CPEB3: variants seen among roughly 807,000 people sequenced by gnomAD.
CPEB3 encodes the protein cytoplasmic polyadenylation element-binding protein 3.
A neutral mutation model predicts 67.2 loss-of-function variants in CPEB3; 20 were observed. The observed-to-expected ratio is 0.30, with a 90% confidence interval of 0.21 to 0.43. The LOEUF (loss-of-function observed/expected upper bound fraction) is 0.43, where lower values mean the gene tolerates loss of function less well. CPEB3 is among the 20% of genes least tolerant of loss of function. The pLI is 1.00. For synonymous variants in CPEB3, 376 were observed against 393.1 expected (o/e 0.96, Z 0.51); for missense variants, 746 against 968.6 (o/e 0.77, Z 3.05).
chr10:92,201,514 C>T (rs1429714430), intron 2 of CPEB3, among the ~76,000 whole-genome samples: 1 of 151,672 alleles, frequency 6.6e-6, no homozygotes, highest in African/African-American at 2.4e-5. Context: ...GGCAACAGAA[C>T]AAGACACTGT....
chr10:92,116,734 A>G (rs1473669357), intron 6 of CPEB3, among the ~76,000 whole-genome samples: 1 of 152,210 alleles, frequency 6.6e-6, no homozygotes, highest in Non-Finnish European at 1.5e-5. Context: ...AAGCCAGTCT[A>G]TGAAAGCAGA....
At chr10:92,192,659 G>A in intron 2 of CPEB3, 23 bp from the exon 3 acceptor site, 4 of 1,540,958 alleles carry the variant, frequency 2.6e-6, no homozygotes, top group Non-Finnish European at 3.5e-6. Context: ...ACAAAAACAA[G>A]ACAATACATA....
At chr10:92,121,517 G>A (rs985192798) in intron 6 of CPEB3, among the ~76,000 whole-genome samples, 1 of 150,840 alleles carries the variant, frequency 6.6e-6, no homozygotes, top group African/African-American at 2.4e-5. Context: ...CTTTTTTGTA[G>A]GTTTGACTTT....
chr10:92,141,884 G>A (rs1590228090), intron 6 of CPEB3, among the ~76,000 whole-genome samples: 1 of 151,176 alleles, frequency 6.6e-6, no homozygotes, highest in Non-Finnish European at 1.5e-5. Flanking sequence ...CGGGCGTGGC[G>A]GCAGGAGCCT....
intron 1 of CPEB3, among the ~76,000 whole-genome samples, chr10:92,283,712 C>G: frequency 7.2e-6 from 1 of 138,736 alleles, no homozygotes; most frequent in East Asian, 2.2e-4. Flanking sequence ...TTTCTTTTTT[C>G]TTTTTCTTTC....
In CPEB3 at chr10:92,230,584, T is replaced by C. The variant is rs923278997; in HGVS notation, c.1005+8762A>G. ...ACTTTAATTCACTAGTACTTTCCTA[T>C]TTCAAGTTCACAAAATGCAAATATT... is the stretch of plus-strand genomic sequence containing the variant. On this transcript the variant is annotated intron_variant, in intron 2 of 9. Coordinates refer to ENST00000265997, the MANE Select transcript of CPEB3 (RefSeq NM_014912.5). Among the ~76,000 whole-genome samples the C allele has an allele frequency of 2.6e-5, 4 of 152,320 alleles. No individual in the cohort carries two copies. The East Asian group carries it at 7.7e-4, about 29-fold the overall frequency.
intron 2 of CPEB3, among the ~76,000 whole-genome samples, chr10:92,231,913 T>A (rs1484635098): frequency 6.6e-6 from 1 of 151,726 alleles, no homozygotes; most frequent in East Asian, 1.9e-4. Flanking sequence ...AGAGACAGGG[T>A]TTCACCAGGT....
intron 6 of CPEB3, among the ~76,000 whole-genome samples, chr10:92,141,780 A>G (rs2133820922): frequency 6.6e-6 from 1 of 151,154 alleles, no homozygotes; most frequent in East Asian, 1.9e-4. Flanking sequence ...GCACTTTGGG[A>G]GGCCAAGGCA....
At chr10:92,055,832 G>A (rs1842088672) in intron 9 of CPEB3, among the ~76,000 whole-genome samples, 1 of 152,088 alleles carries the variant, frequency 6.6e-6, no homozygotes, top group Non-Finnish European at 1.5e-5. Context: ...TTGAGCCCAG[G>A]AGTTCGAGAC....
intron 9 of CPEB3, among the ~76,000 whole-genome samples, chr10:92,075,827 A>G (rs540659420): frequency 2.2e-4 from 33 of 152,346 alleles, no homozygotes; most frequent in African/African-American, 7.9e-4. Context: ...AAGATCAACA[A>G]CAACAATAAT....
At chr10:92,148,172 A>T (rs770637730) in intron 4 of CPEB3, among the ~76,000 whole-genome samples, 3 of 152,164 alleles carry the variant, frequency 2.0e-5, no homozygotes, top group Non-Finnish European at 4.4e-5. Flanking sequence ...TACTTTTTGG[A>T]TAAAGTACAA....
intron 6 of CPEB3, among the ~76,000 whole-genome samples, chr10:92,118,476 C>G (rs994485904): frequency 6.6e-6 from 1 of 152,076 alleles, no homozygotes; most frequent in Non-Finnish European, 1.5e-5. Flanking sequence ...GTGCTTTAGT[C>G]CTATAATTTA....
chr10:92,099,312 C>T (rs977708632), intron 7 of CPEB3, among the ~76,000 whole-genome samples: 2 of 150,520 alleles, frequency 1.3e-5, no homozygotes, highest in Non-Finnish European at 3.0e-5. Flanking sequence ...CCACCATGCC[C>T]AGTTAATTTT....
chr10:92,156,020 T>C (rs1375218603), intron 4 of CPEB3, among the ~76,000 whole-genome samples: 1 of 152,152 alleles, frequency 6.6e-6, no homozygotes, highest in Non-Finnish European at 1.5e-5. Flanking sequence ...ATAATCCTTA[T>C]CAATAAGCAC....
chr10:92,118,795 T>C (rs1845173091), intron 6 of CPEB3: 1 of 760,390 alleles, frequency 1.3e-6, no homozygotes, highest in Non-Finnish European at 2.4e-6. Flanking sequence ...AGAACACAGG[T>C]TTAAACCGTC....
At chr10:92,095,600 A>ATATATT (rs377039483) in intron 7 of CPEB3, among the ~76,000 whole-genome samples, 3 of 123,122 alleles carry the variant, frequency 2.4e-5, no homozygotes, top group East Asian at 2.3e-4. Context: ...ATATATATAT[A>ATATATT]TTTTTTTTTT....
chr10:92,253,324 G>A lies in CPEB3; in HGVS notation c.-11-12963C>T, dbSNP rs186433235. Among the ~76,000 whole-genome samples, 50 of 151,994 alleles carry A rather than the reference G, an allele frequency of 3.3e-4. 1 individual carries two copies. The East Asian group carries it at 9.3e-3, about 28-fold the overall frequency. On this transcript the variant is annotated intron_variant, in intron 1 of 9. Transcript: ENST00000265997. The stretch of plus-strand genomic sequence containing the variant: ...AATATACAAAAATTAGCCAGGTGTG[G>A]TGGCACACGCCTGTTGTCCCAGCTA...
At chr10:92,064,525 G>T (rs1029067559) in intron 9 of CPEB3, among the ~76,000 whole-genome samples, 1 of 152,240 alleles carries the variant, frequency 6.6e-6, no homozygotes. Flanking sequence ...ATGCTACAAG[G>T]GGCCATTGCA....
intron 6 of CPEB3, among the ~76,000 whole-genome samples, chr10:92,126,165 C>T (rs1410039690): frequency 1.3e-5 from 2 of 152,140 alleles, no homozygotes; most frequent in Non-Finnish European, 2.9e-5. Flanking sequence ...GAAAACTATA[C>T]AAACTGAGTC....
Sources: gnomAD v4.1 joint callset for allele counts (sites outside exome capture counted in the v4.1 genomes callset) on GRCh38, gnomAD v4.1.1 for gene constraint, MANE v1.5 for transcripts, NCBI Gene and HGNC (gene_info 2026-07-23, HGNC 2026-07-21) for gene names.